NXPH1: variants seen among roughly 807,000 people sequenced by gnomAD.
NXPH1 encodes the protein neurexophilin 1.
A neutral mutation model predicts 23.7 loss-of-function variants in NXPH1; 5 were observed. That is an observed-to-expected ratio of 0.21 (90% CI 0.11 to 0.44). NXPH1 has a LOEUF of 0.44. NXPH1 is among the 20% of genes least tolerant of loss of function. The probability of loss-of-function intolerance (pLI) is 0.99; values close to 1 mark genes in which losing one functional copy is unlikely to be tolerated. For missense variants in NXPH1, 324 were observed against 321.6 expected (o/e 1.01, Z -0.06); for synonymous variants, 144 against 122.2 (o/e 1.18, Z -1.18).
chr7:8,492,801 C>T (rs1021867358), intron 2 of NXPH1, among the ~76,000 whole-genome samples: 4 of 151,964 alleles, frequency 2.6e-5, no homozygotes, highest in African/African-American at 4.8e-5. Context: ...TCTGAAACTG[C>T]ACAATGAGCC....
intron 2 of NXPH1, among the ~76,000 whole-genome samples, chr7:8,548,564 C>T (rs906629961): frequency 5.3e-5 from 8 of 151,398 alleles, no homozygotes; most frequent in Non-Finnish European, 8.9e-5. Context: ...AGTTTCTCTG[C>T]GAGACTGCCT....
intron 2 of NXPH1, among the ~76,000 whole-genome samples, chr7:8,727,659 A>G (rs1055358996): frequency 3.3e-5 from 5 of 152,162 alleles, no homozygotes; most frequent in African/African-American, 9.6e-5. Context: ...GATATGCGGC[A>G]TTATTTCTGA....
chr7:8,694,418 A>AT lies in NXPH1; in HGVS notation c.55-56584dup, dbSNP rs535573448. On this transcript the variant is annotated intron_variant, in intron 2 of 2. Coordinates refer to ENST00000405863, the MANE Select transcript of NXPH1 (RefSeq NM_152745.3). The stretch of plus-strand genomic sequence containing the variant: ...CTTTTGGGGGAACCACAGGGATGAC[A>AT]TTTTTTGGGAATGGTGATTTCATTT... Among the ~76,000 whole-genome samples, 10 of 152,278 alleles carry AT rather than the reference A, an allele frequency of 6.6e-5. No homozygotes were observed. The East Asian group carries it at 1.7e-3, about 26-fold the overall frequency.
chr7:8,751,855 T>G lies in NXPH1; in HGVS notation c.*86T>G. The G allele has an allele frequency of 7.8e-7, 1 of 1,277,040 alleles. No homozygotes were observed. The highest frequency in any genetic ancestry group is 1.1e-6 in the Non-Finnish European group (1 of 943,970). The allele number at this position is 1,277,040 out of a possible 1,614,324, so 79.1% of individuals were successfully genotyped here. A position where few individuals can be genotyped will look rare whatever the true frequency, so the allele number is the denominator to read the frequency against. On this transcript the variant is annotated 3_prime_UTR_variant, in exon 3 of 3. Coordinates refer to ENST00000405863, the MANE Select transcript of NXPH1 (RefSeq NM_152745.3). The surrounding 1 kb of genome is among the most constrained non-coding windows in gnomAD (Gnocchi z 4.5). ...ACCTCAAAGAAGAAGGTCACATCTG[T>G]TGCCTGGAATGTGTCTACACTGCTG... is the stretch of plus-strand genomic sequence containing the variant.
chr7:8,615,026 C>T (rs1819705368), intron 2 of NXPH1, among the ~76,000 whole-genome samples: 1 of 152,002 alleles, frequency 6.6e-6, no homozygotes, highest in Admixed American at 6.6e-5. Flanking sequence ...TGTTAGTTGG[C>T]TCTGATTTCT....
chr7:8,465,144 C>T (rs977755914), intron 2 of NXPH1, among the ~76,000 whole-genome samples: 2 of 152,086 alleles, frequency 1.3e-5, no homozygotes, highest in African/African-American at 4.8e-5. Flanking sequence ...TAGGGGATCT[C>T]CCCAAAATCT....
intron 2 of NXPH1, among the ~76,000 whole-genome samples, chr7:8,664,391 C>G (rs1197772416): frequency 3.3e-5 from 5 of 152,098 alleles, no homozygotes; most frequent in Non-Finnish European, 4.4e-5. Flanking sequence ...TAACCTCTTA[C>G]AGTTGGTAAT....
chr7:8,437,157 A>G (rs6463808), intron 2 of NXPH1, among the ~76,000 whole-genome samples: 121,609 of 152,092 alleles, frequency 0.8, 48,940 homozygotes, highest in East Asian at 0.9. Context: ...CAGCCAATCC[A>G]AAAGAACAGC....
chr7:8,559,585 A>G (rs1428450896), intron 2 of NXPH1, among the ~76,000 whole-genome samples: 1 of 151,868 alleles, frequency 6.6e-6, no homozygotes, highest in East Asian at 2.0e-4. Context: ...TAAAACTTTC[A>G]GCGCTAAGTT....
At chr7:8,592,452 C>T (rs1190803003) in intron 2 of NXPH1, among the ~76,000 whole-genome samples, 1 of 151,812 alleles carries the variant, frequency 6.6e-6, no homozygotes, top group Non-Finnish European at 1.5e-5. Context: ...GTAAGTCATG[C>T]CTTTTGTAGG....
At chr7:8,668,266 T>TTG in intron 2 of NXPH1, among the ~76,000 whole-genome samples, 1 of 96,764 alleles carries the variant, frequency 1.0e-5, no homozygotes, top group African/African-American at 2.9e-5. Flanking sequence ...GTTTTTTTTT[T>TTG]TTTATTTTGT....
At chr7:8,585,259 A>G (rs1245782077) in intron 2 of NXPH1, among the ~76,000 whole-genome samples, 1 of 152,204 alleles carries the variant, frequency 6.6e-6, no homozygotes, top group Non-Finnish European at 1.5e-5. Context: ...CCCTTGTAAA[A>G]AGGATCCAAC....
rs867304616 is a variant in NXPH1 at position 8,655,424 on chromosome 7, C to G, written c.55-95584C>G. Among the ~76,000 whole-genome samples, 516 of 66,448 alleles carry G rather than the reference C, an allele frequency of 7.8e-3. 8 individuals carry two copies. The highest frequency in any genetic ancestry group is 0.012 in the Admixed American group (54 of 4,686). 43.6% of individuals were successfully genotyped at this position (66,448 alleles called of 152,430 possible). A position where few individuals can be genotyped will look rare whatever the true frequency, so the allele number is the denominator to read the frequency against. ...TTTCTCTCTCTCTCTCTCTCTCTCT[C>G]TCTCTCTCTCTCTCTCTCTCTCTCT... On this transcript the variant is annotated intron_variant, in intron 2 of 2. Coordinates refer to ENST00000405863, the MANE Select transcript of NXPH1 (RefSeq NM_152745.3).
intron 2 of NXPH1, among the ~76,000 whole-genome samples, chr7:8,571,491 A>T (rs1214169871): frequency 2.6e-4 from 40 of 151,968 alleles, no homozygotes; most frequent in African/African-American, 9.7e-4. Context: ...AGGACATGGA[A>T]GATCCATAAG....
rs79584379 is a variant in NXPH1 at position 8,685,014 on chromosome 7, T to C, written c.55-65994T>C. 7.4e-3 allele frequency among the ~76,000 whole-genome samples: 1,134 copies of C among 152,246 alleles called. 2 individuals are homozygous for C. The highest frequency in any genetic ancestry group is 0.021 in the South Asian group (101 of 4,828). On this transcript the variant is annotated intron_variant, in intron 2 of 2. Transcript: ENST00000405863. ...GAATGGCTCTGAGCGGAATTAGAAG[T>C]AAGGGAACTTTGTTCTTCATCCTAG...
At chr7:8,542,179 G>A (rs1818128433) in intron 2 of NXPH1, among the ~76,000 whole-genome samples, 1 of 151,168 alleles carries the variant, frequency 6.6e-6, no homozygotes, top group African/African-American at 2.4e-5. Context: ...AACAAAGCTG[G>A]GTTGGCTATA....
chr7:8,624,078 A>G (rs1476933389), intron 2 of NXPH1, among the ~76,000 whole-genome samples: 1 of 152,158 alleles, frequency 6.6e-6, no homozygotes, highest in Non-Finnish European at 1.5e-5. Flanking sequence ...CAGGACTTGG[A>G]GCCTAAAGGA....
chr7:8,488,563 G>A (rs890083747), intron 2 of NXPH1, among the ~76,000 whole-genome samples: 1 of 152,096 alleles, frequency 6.6e-6, no homozygotes, highest in Admixed American at 6.6e-5. Context: ...CTACCAGAAG[G>A]TACATAATGG....
intron 2 of NXPH1, among the ~76,000 whole-genome samples, chr7:8,679,192 C>T (rs1167248781): frequency 6.6e-6 from 1 of 151,932 alleles, no homozygotes; most frequent in Non-Finnish European, 1.5e-5. Flanking sequence ...CGTGATCCGC[C>T]CACCTCGGCC....
Sources: gnomAD v4.1 joint callset for allele counts (sites outside exome capture counted in the v4.1 genomes callset) on GRCh38, gnomAD v4.1.1 for gene constraint, Gnocchi (gnomAD v3.1) non-coding constraint, MANE v1.5 for transcripts, NCBI Gene and HGNC (gene_info 2026-07-23, HGNC 2026-07-21) for gene names.